Variants in NSUN6 observed in about 807,000 individuals in gnomAD.
The protein encoded by NSUN6 is NOP2/Sun RNA methyltransferase 6.
NSUN6 carries 64 observed loss-of-function variants against 58.0 expected under a neutral mutation model. That is an observed-to-expected ratio of 1.10 (90% confidence interval 0.90 to 1.36). The LOEUF (loss-of-function observed/expected upper bound fraction) is 1.36. Among genes scored for constraint, NSUN6 ranks in the 40% most tolerant of loss-of-function variants. NSUN6 has a pLI of 0.00. For missense variants in NSUN6, 701 were observed against 550.1 expected (o/e 1.27, Z -2.74); for synonymous variants, 231 against 193.9 (o/e 1.19, Z -1.59).
chr10:18,626,578 G>A (rs549673194), intron 3 of NSUN6, among the ~76,000 whole-genome samples: 85 of 152,160 alleles, frequency 5.6e-4, no homozygotes, highest in African/African-American at 2.1e-3. Flanking sequence ...GACCAACCTG[G>A]CCAACATGGT....
chr10:18,652,654 G>T (rs1590213222), upstream of NSUN6: 2 of 768,102 alleles, frequency 2.6e-6, no homozygotes, highest in South Asian at 5.9e-5. Context: ...TCCACCTCCT[G>T]GTTCAAGAGA....
At chr10:18,578,075 C>T (rs767971866) in intron 8 of NSUN6, among the ~76,000 whole-genome samples, 1 of 152,134 alleles carries the variant, frequency 6.6e-6, no homozygotes, top group Non-Finnish European at 1.5e-5. Flanking sequence ...TATTCGAGTG[C>T]TATTTCTTTT....
chr10:18,605,876 C>T (rs1011779832), intron 6 of NSUN6, among the ~76,000 whole-genome samples: 4 of 152,092 alleles, frequency 2.6e-5, no homozygotes, highest in Non-Finnish European at 5.9e-5. Flanking sequence ...ATAATGGAAG[C>T]ACATGAGAGA....
At chr10:18,611,546 C>T (rs7090926) in intron 5 of NSUN6, among the ~76,000 whole-genome samples, 79,249 of 151,850 alleles carry the variant, frequency 0.52, 21,373 homozygotes, top group East Asian at 0.98. Context: ...TATTTATTTT[C>T]AGACACAGGG....
At chr10:18,640,540 T>A (rs2059359644) in intron 3 of NSUN6, among the ~76,000 whole-genome samples, 1 of 152,144 alleles carries the variant, frequency 6.6e-6, no homozygotes, top group African/African-American at 2.4e-5. Flanking sequence ...GTGATTATGG[T>A]CTATTATAGT....
At chr10:18,633,984 A>T (rs1455955642) in intron 3 of NSUN6, among the ~76,000 whole-genome samples, 2 of 152,214 alleles carry the variant, frequency 1.3e-5, no homozygotes, top group African/African-American at 2.4e-5. Context: ...CCCAGAAAAC[A>T]TATTTGATTA....
chr10:18,599,868 C>T (rs573655766), intron 6 of NSUN6, among the ~76,000 whole-genome samples: 4 of 152,244 alleles, frequency 2.6e-5, no homozygotes, highest in African/African-American at 9.6e-5. Context: ...ACTGTCAACC[C>T]TTTATTAGAC....
chr10:18,626,462 T>C (rs1410105298), intron 3 of NSUN6, among the ~76,000 whole-genome samples: 1 of 152,156 alleles, frequency 6.6e-6, no homozygotes, highest in Admixed American at 6.5e-5. Context: ...TTTCTCATAA[T>C]GGAAAGTCAA....
intron 3 of NSUN6, among the ~76,000 whole-genome samples, chr10:18,619,077 A>G (rs966949569): frequency 2.0e-5 from 3 of 152,190 alleles, no homozygotes; most frequent in African/African-American, 7.2e-5. Context: ...TCTGAGGGAA[A>G]TCCAATCCTG....
intron 9 of NSUN6, among the ~76,000 whole-genome samples, chr10:18,551,293 G>GTGTGTGT (rs1554848038): frequency 9.2e-5 from 5 of 54,060 alleles, no homozygotes; most frequent in African/African-American, 2.3e-4. Context: ...TGTGTGTGTG[G>GTGTGTGT]TAAAATATAA....
intron 1 of NSUN6, among the ~76,000 whole-genome samples, chr10:18,648,917 C>G (rs1180741839): frequency 6.6e-6 from 1 of 152,138 alleles, no homozygotes; most frequent in Admixed American, 6.5e-5. Context: ...TGAACATTTT[C>G]CAAATATTAG....
intron 9 of NSUN6, 54 bp from the exon 10 acceptor site, chr10:18,548,291 A>G: frequency 6.7e-6 from 10 of 1,497,472 alleles, no homozygotes; most frequent in Non-Finnish European, 9.1e-6. Context: ...TAAACATATG[A>G]ATGAATTTCA....
At chr10:18,603,327 T>G (rs1313212116) in intron 6 of NSUN6, among the ~76,000 whole-genome samples, 1 of 152,200 alleles carries the variant, frequency 6.6e-6, no homozygotes, top group African/African-American at 2.4e-5. Context: ...CAAAATGTAA[T>G]GAGTGCTTAC....
Position 18,625,338 on chromosome 10 carries a change from A to G in NSUN6, c.312-9045T>C, listed in dbSNP as rs118186979. On this transcript the variant is annotated intron_variant, in intron 3 of 10. Coordinates refer to ENST00000377304, the MANE Select transcript of NSUN6 (RefSeq NM_182543.5). The stretch of plus-strand genomic sequence containing the variant: ...CTGCTGTCTTTATAAAAGAGAATAC[A>G]GAAAATGTAAGAGAAAAATATTCAA... Among the ~76,000 whole-genome samples the G allele has an allele frequency of 3.1e-3, 468 of 152,326 alleles. 7 individuals are homozygous for G. In the East Asian group the frequency reaches 0.042, roughly 14 times the overall value.
At chr10:18,596,059 T>C in intron 7 of NSUN6, 149 bp downstream of exon 7, 1 of 616,412 alleles carries the variant, frequency 1.6e-6, no homozygotes, top group Non-Finnish European at 2.9e-6. Context: ...TCTACTGAGC[T>C]TAATATGTAG....
chr10:18,582,399 C>A (rs1283493368), intron 8 of NSUN6, among the ~76,000 whole-genome samples: 1 of 152,144 alleles, frequency 6.6e-6, no homozygotes, highest in Non-Finnish European at 1.5e-5. Context: ...AGCCTCAGCA[C>A]ACTCTTGAAA....
intron 2 of NSUN6, among the ~76,000 whole-genome samples, chr10:18,646,032 T>C (rs1378209423): frequency 6.6e-6 from 1 of 152,032 alleles, no homozygotes; most frequent in Non-Finnish European, 1.5e-5. Flanking sequence ...CCATCTGTGC[T>C]AAGAATATCA....
intron 3 of NSUN6, among the ~76,000 whole-genome samples, chr10:18,624,367 T>C (rs894430984): frequency 6.6e-6 from 1 of 151,986 alleles, no homozygotes; most frequent in Non-Finnish European, 1.5e-5. Flanking sequence ...AGAGCCAAAG[T>C]GACCAAGACA....
chr10:18,618,682 CAAA>C (rs35116933), intron 3 of NSUN6, among the ~76,000 whole-genome samples: 2 of 51,468 alleles, frequency 3.9e-5, no homozygotes, highest in Admixed American at 2.2e-4. Context: ...AACTCCATCT[CAAA>C]AAAAAAAAAA....
Sources: allele counts gnomAD v4.1 joint callset (sites outside exome capture counted in the v4.1 genomes callset), GRCh38; gene constraint gnomAD v4.1.1; transcripts MANE v1.5; gene names NCBI Gene and HGNC (gene_info 2026-07-23, HGNC 2026-07-21).